Variants in PRDM1 observed in about 807,000 individuals in gnomAD.
PRDM1 encodes the protein PR/SET domain 1, also known as PR domain zinc finger protein 1.
PRDM1 carries 13 observed loss-of-function variants against 62.8 expected under a neutral mutation model. The observed-to-expected ratio is 0.21, with a 90% CI of 0.13 to 0.33. The LOEUF (loss-of-function observed/expected upper bound fraction) is 0.33, where lower values mean the gene tolerates loss of function less well. Ranked by LOEUF, PRDM1 falls within the 10% of genes least tolerant of loss-of-function variation. The pLI, the probability that PRDM1 is intolerant of heterozygous loss-of-function variation, is 1.00. For synonymous variants in PRDM1, 396 were observed against 417.6 expected (o/e 0.95, Z 0.63); for missense variants, 895 against 1,058.8 (o/e 0.85, Z 2.15).
At chr6:106,012,540 C>A (rs1167326486) in intron 1 of PRDM1, among the ~76,000 whole-genome samples, 3 of 151,486 alleles carry the variant, frequency 2.0e-5, no homozygotes, top group Admixed American at 2.0e-4. Flanking sequence ...ACTGGCATAC[C>A]AGCCCCACAC....
intron 1 of PRDM1, among the ~76,000 whole-genome samples, chr6:106,076,293 ACT>A (rs1168072136): frequency 6.6e-6 from 1 of 152,108 alleles, no homozygotes. Flanking sequence ...AGTATGTAAA[ACT>A]CTAAATACAT....
At chr6:106,090,912 C>A (rs1335166933) in intron 2 of PRDM1, among the ~76,000 whole-genome samples, 2 of 146,980 alleles carry the variant, frequency 1.4e-5, no homozygotes, top group African/African-American at 2.5e-5. Context: ...ACAAAACATA[C>A]AAATCATATT....
chr6:106,069,180 T>A (rs1254207164), intron 1 of PRDM1, among the ~76,000 whole-genome samples: 1 of 152,202 alleles, frequency 6.6e-6, no homozygotes, highest in Admixed American at 6.5e-5. Flanking sequence ...CAGGGTCCAA[T>A]CAATTACAAA....
chr6:106,079,610 C>T (rs1280845653), intron 1 of PRDM1, among the ~76,000 whole-genome samples: 2 of 152,146 alleles, frequency 1.3e-5, no homozygotes, highest in Non-Finnish European at 2.9e-5. Context: ...CCAGCGTGGC[C>T]AACATGGTAA....
intron 1 of PRDM1, among the ~76,000 whole-genome samples, chr6:106,000,487 G>A (rs1437421108): frequency 2.0e-5 from 3 of 152,044 alleles, no homozygotes; most frequent in Non-Finnish European, 4.4e-5. Flanking sequence ...ATTAAAATAC[G>A]TACATTTTTA....
rs922937846 is a variant in PRDM1 at position 106,095,914 on chromosome 6, G to A, written c.411+180G>A. ...ATGTGATGAAACCGATGAAATGTCT[G>A]GCCTGTAGGTGGTTAGTGATGGAGA... On this transcript the variant is annotated intron_variant, in intron 3 of 6. Transcript: ENST00000369096. 4 of 655,424 alleles carry A rather than the reference G, an allele frequency of 6.1e-6. No individual in the cohort carries two copies. In the African/African-American group the frequency reaches 7.3e-5, roughly 12 times the overall value. 40.6% of individuals were successfully genotyped at this position (655,424 alleles called of 1,614,324 possible). A position where few individuals can be genotyped will look rare whatever the true frequency, so the allele number is the denominator to read the frequency against.
Position 106,013,610 on chromosome 6 carries a change from G to A in PRDM1, c.-67+19971G>A, listed in dbSNP as rs181334304. On this transcript the variant is annotated intron_variant, in intron 1 of 6. Coordinates refer to the PRDM1 transcript ENST00000652320. ...CCCAAAGTGCTGGGATTACAGGTGCGAGCCACCATGCCCAGCCGACCTTTT... is the reference window on the plus strand; with the variant it reads ...CCCAAAGTGCTGGGATTACAGGTGCAAGCCACCATGCCCAGCCGACCTTTT... Among the ~76,000 whole-genome samples the A allele has an allele frequency of 1.8e-3, 274 of 152,210 alleles. 2 individuals are homozygous for A. Among genetic ancestry groups the A allele is most frequent in the African/African-American group, 6.4e-3 (265 of 41,532 alleles).
chr6:105,997,578 G>A (rs1268267922), intron 1 of PRDM1, among the ~76,000 whole-genome samples: 4 of 152,162 alleles, frequency 2.6e-5, no homozygotes, highest in South Asian at 2.1e-4. Flanking sequence ...ACGGGTTAGC[G>A]GTGATGACAC....
At chr6:106,014,207 G>A (rs1331000986) in intron 1 of PRDM1, among the ~76,000 whole-genome samples, 1 of 151,634 alleles carries the variant, frequency 6.6e-6, no homozygotes, top group Admixed American at 6.6e-5. Flanking sequence ...CCACAGGCAT[G>A]CACCACCATG....
chr6:106,098,089 G>A, intron 3 of PRDM1: 1 of 475,446 alleles, frequency 2.1e-6, no homozygotes, highest in Non-Finnish European at 2.7e-6. Flanking sequence ...GAAACTATCT[G>A]TAGACTAGCA....
intron 1 of PRDM1, among the ~76,000 whole-genome samples, chr6:106,065,004 CTG>C (rs1773409755): frequency 6.6e-6 from 1 of 152,152 alleles, no homozygotes; most frequent in East Asian, 1.9e-4. Context: ...ATGTGACTAA[CTG>C]TGCACAGACT....
chr6:106,014,349 T>A (rs1311322929), intron 1 of PRDM1, among the ~76,000 whole-genome samples: 2 of 151,964 alleles, frequency 1.3e-5, no homozygotes, highest in African/African-American at 4.8e-5. Context: ...TATGAGCCAC[T>A]GCTGCCTGCC....
rs1774093287 is a variant in PRDM1 at position 106,095,645 on chromosome 6, C to A, written c.322C>A (p.Pro108Thr). 1 of 1,613,928 alleles carries A rather than the reference C, an allele frequency of 6.2e-7. No individual in the cohort carries two copies. Among genetic ancestry groups the A allele is most frequent in the Non-Finnish European group, 8.5e-7 (1 of 1,179,886 alleles). ...TGGAGTGATGAGTAAAGAATACATA[C>A]CAAAGGGCACACGTTTTGGACCCCT... Reference protein sequence around the residue: ...VIGVMSKEYIPKGTRFGPLIG... With the variant: ...VIGVMSKEYITKGTRFGPLIG... The change falls in exon 3 of 7, where the codon CCA (proline) becomes ACA (threonine). Residue 108 changes from proline (P) to threonine (T), a missense_variant. By Grantham distance (38) the Pro-to-Thr change is conservative. This residue lies in a region of PRDM1 where 213 missense variants were observed against 283.9 expected (regional missense o/e 0.75). Coordinates refer to ENST00000369096, the MANE Select transcript of PRDM1 (RefSeq NM_001198.4).
At chr6:106,034,385 A>G (rs1772892794) in intron 1 of PRDM1, among the ~76,000 whole-genome samples, 1 of 151,978 alleles carries the variant, frequency 6.6e-6, no homozygotes, top group South Asian at 2.1e-4. Context: ...TTGTGTTTAT[A>G]GCTAAAAATT....
intron 2 of PRDM1, among the ~76,000 whole-genome samples, chr6:106,091,399 C>CCAAG (rs1773955486): frequency 6.6e-6 from 1 of 152,194 alleles, no homozygotes; most frequent in African/African-American, 2.4e-5. Context: ...AAATGATGTA[C>CCAAG]CAAGGCATCA....
At chr6:106,073,100 C>T (rs1327347465) in intron 1 of PRDM1, among the ~76,000 whole-genome samples, 1 of 144,556 alleles carries the variant, frequency 6.9e-6, no homozygotes. Context: ...TCAATTTCCT[C>T]TTTTCTTTTT....
At chr6:106,013,874 T>C (rs557618347) in intron 1 of PRDM1, among the ~76,000 whole-genome samples, 1 of 152,234 alleles carries the variant, frequency 6.6e-6, no homozygotes, top group East Asian at 1.9e-4. Flanking sequence ...TTTATGGGTT[T>C]GGTCACCTCT....
At chr6:106,033,642 C>A (rs747847426) in intron 1 of PRDM1, among the ~76,000 whole-genome samples, 1 of 152,022 alleles carries the variant, frequency 6.6e-6, no homozygotes, top group African/African-American at 2.4e-5. Flanking sequence ...CTGTTGAATT[C>A]ATTTGCTAGT....
intron 2 of PRDM1, among the ~76,000 whole-genome samples, chr6:106,092,193 A>T (rs1474958648): frequency 6.6e-6 from 1 of 151,840 alleles, no homozygotes; most frequent in Non-Finnish European, 1.5e-5. Flanking sequence ...AAGCGCTCCA[A>T]CTCAACCCAT....
Sources: allele counts gnomAD v4.1 joint callset (sites outside exome capture counted in the v4.1 genomes callset), GRCh38; gene constraint gnomAD v4.1.1; regional missense constraint gnomAD v4.1.1; transcripts MANE v1.5; gene names NCBI Gene and HGNC (gene_info 2026-07-23, HGNC 2026-07-21).